The following PCDH15 variants were observed in gnomAD, a reference collection of about 807,000 sequenced individuals.
The protein encoded by PCDH15 is protocadherin-15.
Under a neutral mutation model 178.5 loss-of-function variants are expected in PCDH15, and 129 were observed. The ratio of observed to expected loss-of-function variants is 0.72; its 90% CI spans 0.63 to 0.84. The LOEUF is 0.84. PCDH15 is among the 40% of genes least tolerant of loss of function. The pLI, the probability that PCDH15 is intolerant of heterozygous loss-of-function variation, is 0.00. For missense variants in PCDH15, 2,230 were observed against 2,099.9 expected, an observed-to-expected ratio of 1.06 and a Z score of -1.21; for synonymous variants, 800 against 732.0, an observed-to-expected ratio of 1.09 and a Z score of -1.50.
chr10:55,009,726 T>G (rs1390378203), intron 2 of PCDH15, among the ~76,000 whole-genome samples: 2 of 152,142 alleles, frequency 1.3e-5, no homozygotes, highest in Non-Finnish European at 2.9e-5. Context: ...GAAATCTAGT[T>G]TAACTTTGCA....
intron 1 of PCDH15, among the ~76,000 whole-genome samples, chr10:54,731,571 C>CACAT (rs1555172601): frequency 0.023 from 2,277 of 98,282 alleles, 122 homozygotes; most frequent in African/African-American, 0.049. Context: ...TATACACACA[C>CACAT]ACACACACAC....
rs34847205 is a variant in PCDH15, at chr10:55,005,226, A to AATAATAATAATAATAATCATC, written c.-79-107727_-79-107726insGATGATTATTATTATTATTAT. On this transcript the variant is annotated intron_variant, in intron 2 of 5. Coordinates refer to the PCDH15 transcript ENST00000458638. ...GTCTCTAAATAATAATAATAATAATAATCAATGGAGCCTCTTGGTAGAATT... is the reference window on the plus strand; with the variant it reads ...GTCTCTAAATAATAATAATAATAATAATAATAATAATAATAATCATCATCAATGGAGCCTCTTGGTAGAATT... Among the ~76,000 whole-genome samples the AATAATAATAATAATAATCATC allele has an allele frequency of 6.2e-3, 908 of 146,540 alleles. 3 individuals are homozygous for AATAATAATAATAATAATCATC. Among genetic ancestry groups the AATAATAATAATAATAATCATC allele is most frequent in the Admixed American group, 0.011 (155 of 14,690 alleles).
intron 1 of PCDH15, among the ~76,000 whole-genome samples, chr10:55,288,453 G>A (rs573677321): frequency 4.5e-4 from 68 of 151,870 alleles, no homozygotes; most frequent in African/African-American, 1.5e-3. Flanking sequence ...CTAACTCTAG[G>A]TACTGTTGTG....
intron 25 of PCDH15, among the ~76,000 whole-genome samples, chr10:53,922,850 G>T (rs1589435273): frequency 6.6e-6 from 1 of 152,150 alleles, no homozygotes; most frequent in Admixed American, 6.5e-5. Flanking sequence ...ACTTTGGGAG[G>T]CTGGGGGTGG....
intron 1 of PCDH15, among the ~76,000 whole-genome samples, chr10:55,304,201 A>C (rs1843360849): frequency 6.6e-6 from 1 of 152,084 alleles, no homozygotes; most frequent in Admixed American, 6.6e-5. Flanking sequence ...GTAGGGCCTA[A>C]AGGTTTTCTG....
chr10:54,991,871 CA>C (rs1733556526), intron 2 of PCDH15, among the ~76,000 whole-genome samples: 1 of 151,830 alleles, frequency 6.6e-6, no homozygotes, highest in African/African-American at 2.4e-5. Context: ...ATACTGTTTC[CA>C]AAGGTGCTTT....
intron 2 of PCDH15, among the ~76,000 whole-genome samples, chr10:55,410,978 C>A (rs1157698906): frequency 2.6e-5 from 4 of 151,808 alleles, no homozygotes; most frequent in Admixed American, 6.6e-5. Context: ...AAAATCCAAG[C>A]ACTGAATAGA....
intron 3 of PCDH15, among the ~76,000 whole-genome samples, chr10:54,433,583 T>C (rs2075161491): frequency 1.3e-5 from 2 of 152,020 alleles, no homozygotes; most frequent in South Asian, 4.1e-4. Context: ...AGGTGGTTAA[T>C]GGATATAAAA....
chr10:54,439,905 T>C (rs1024694523), intron 3 of PCDH15, among the ~76,000 whole-genome samples: 3 of 152,078 alleles, frequency 2.0e-5, no homozygotes, highest in Non-Finnish European at 1.5e-5. Flanking sequence ...CAATAGGACA[T>C]TGAGAGATTT....
At chr10:55,342,628 C>T (rs1158909999) in intron 2 of PCDH15, among the ~76,000 whole-genome samples, 1 of 151,904 alleles carries the variant, frequency 6.6e-6, no homozygotes, top group Non-Finnish European at 1.5e-5. Flanking sequence ...AATAGATAAC[C>T]AGGCTTTTAA....
intron 2 of PCDH15, among the ~76,000 whole-genome samples, chr10:55,162,577 G>A (rs1208747574): frequency 1.3e-5 from 2 of 152,086 alleles, no homozygotes; most frequent in Non-Finnish European, 2.9e-5. Context: ...GCTAACTTTG[G>A]GAGACATTTA....
intron 1 of PCDH15, among the ~76,000 whole-genome samples, chr10:54,682,418 T>C (rs1446423264): frequency 6.6e-6 from 1 of 152,148 alleles, no homozygotes; most frequent in East Asian, 1.9e-4. Context: ...GCATAAACTA[T>C]GTATCTAGGA....
chr10:54,824,028 T>C (rs1235071796), intron 3 of PCDH15, among the ~76,000 whole-genome samples: 1 of 152,184 alleles, frequency 6.6e-6, no homozygotes, highest in Non-Finnish European at 1.5e-5. Flanking sequence ...TATCAAAGCA[T>C]ATTAGCACAA....
intron 3 of PCDH15, among the ~76,000 whole-genome samples, chr10:54,436,146 A>AAAGG (rs552096202): frequency 7.8e-4 from 115 of 147,774 alleles, no homozygotes; most frequent in African/African-American, 2.8e-3. Flanking sequence ...AGAAAGAAAG[A>AAAGG]AAGGAAGGAA....
chr10:53,920,126 T>C (rs1190431045), intron 25 of PCDH15, among the ~76,000 whole-genome samples: 1 of 152,156 alleles, frequency 6.6e-6, no homozygotes, highest in African/African-American at 2.4e-5. Context: ...CCCATTTCTA[T>C]AAAGTTGAGG....
chr10:54,009,410 G>A (rs1188029060), intron 20 of PCDH15, among the ~76,000 whole-genome samples: 1 of 151,910 alleles, frequency 6.6e-6, no homozygotes, highest in Non-Finnish European at 1.5e-5. Context: ...CCATTCCAAG[G>A]TAGTTTAGAG....
chr10:55,393,132 G>A (rs1837840136), intron 2 of PCDH15, among the ~76,000 whole-genome samples: 1 of 151,856 alleles, frequency 6.6e-6, no homozygotes, highest in Non-Finnish European at 1.5e-5. Flanking sequence ...GAATAACTTG[G>A]GGCTTTAAAT....
upstream of PCDH15, among the ~76,000 whole-genome samples, chr10:55,320,434 A>C (rs2132298900): frequency 6.8e-6 from 1 of 146,136 alleles, no homozygotes; most frequent in Middle Eastern, 3.5e-3. Flanking sequence ...CCAGCGCCCC[A>C]GTACAGTCAG....
intron 1 of PCDH15, among the ~76,000 whole-genome samples, chr10:55,272,259 G>A (rs1842464652): frequency 6.6e-6 from 1 of 151,588 alleles, no homozygotes; most frequent in South Asian, 2.1e-4. Context: ...TTTTTTTTTA[G>A]AATATGGTTA....
Sources: gnomAD v4.1 joint callset for allele counts (sites outside exome capture counted in the v4.1 genomes callset) on GRCh38, gnomAD v4.1.1 for gene constraint, MANE v1.5 for transcripts, NCBI Gene and HGNC (gene_info 2026-07-23, HGNC 2026-07-21) for gene names.